Variants in CFAP44 observed in about 807,000 individuals in gnomAD.
CFAP44 encodes the protein cilia and flagella associated protein 44.
A neutral mutation model predicts 216.2 loss-of-function variants in CFAP44; 134 were observed. The observed-to-expected ratio is 0.62, with a 90% CI of 0.54 to 0.72. The LOEUF (loss-of-function observed/expected upper bound fraction) is 0.72. Ranked by LOEUF, CFAP44 falls within the 30% of genes least tolerant of loss-of-function variation. The pLI, the probability that CFAP44 is intolerant of heterozygous loss-of-function variation, is 0.00. For missense variants in CFAP44, 2,035 were observed against 2,182.1 expected, an observed-to-expected ratio of 0.93 and a Z score of 1.34; for synonymous variants, 700 against 727.6, an observed-to-expected ratio of 0.96 and a Z score of 0.61.
In CFAP44 at chr3:113,294,757, T is replaced by A; in HGVS notation, c.5303A>T (p.Tyr1768Phe). The change falls in exon 34 of 35, where the codon TAT (tyrosine) becomes TTT (phenylalanine). Residue 1768 changes from tyrosine to phenylalanine, a missense_variant. Transcript: ENST00000393845. Reference sequence around the variant, plus strand: ...TTCAATACACAAATCATTCATCTGATAAAGCTTTCTGGTGTGTTCTTTTGT... The same window carrying A: ...TTCAATACACAAATCATTCATCTGAAAAAGCTTTCTGGTGTGTTCTTTTGT... Reference protein sequence around the residue: ...MKTKEHTRKLYQMNDLCIEKK... With the variant: ...MKTKEHTRKLFQMNDLCIEKK... 6.5e-7 allele frequency: 1 copy of A among 1,536,640 alleles called. No homozygotes were observed. The highest frequency in any genetic ancestry group is 1.2e-5 in the South Asian group (1 of 83,846).
chr3:113,392,204 G>A (rs1260397883), intron 15 of CFAP44, among the ~76,000 whole-genome samples: 2 of 152,114 alleles, frequency 1.3e-5, no homozygotes, highest in Admixed American at 1.3e-4. Context: ...TACACAATGT[G>A]TACTCTTCAG....
At chr3:113,396,840 A>C in intron 13 of CFAP44, 113 bp from the exon 14 acceptor site, 1 of 1,013,592 alleles carries the variant, frequency 9.9e-7, no homozygotes, top group Non-Finnish European at 1.4e-6. Context: ...GCCCATTGGC[A>C]ATTCTTTATA....
intron 28 of CFAP44, among the ~76,000 whole-genome samples, chr3:113,318,504 G>A (rs1950110187): frequency 2.0e-5 from 3 of 152,152 alleles, no homozygotes; most frequent in African/African-American, 7.2e-5. Context: ...AAATATATTT[G>A]AGAATGTAGT....
rs1251529114 is a variant in CFAP44, at chr3:113,396,570, G to C, written c.1727C>G (p.Ala576Gly). The change falls in exon 14 of 35, where the codon GCT becomes GGT. Residue 576 changes from alanine (A) to glycine (G), a missense_variant. This residue lies in a region of CFAP44 where 1,883 missense variants were observed against 2,023.7 expected (regional missense o/e 0.93). Transcript: ENST00000393845. ...TTCATAAGCTAAAGCAGTGACACAA[G>C]CAGTATGGGGTTTGAAAACCTGTTT... is the stretch of plus-strand genomic sequence containing the variant. ...QLKQVFKPHT[A>G]CVTALAYERD... The C allele has an allele frequency of 1.2e-6, 2 of 1,614,022 alleles. No homozygotes were observed. Among genetic ancestry groups the C allele is most frequent in the African/African-American group, 1.3e-5 (1 of 74,926 alleles).
chr3:113,413,116 G>C (rs1469722145), intron 6 of CFAP44, among the ~76,000 whole-genome samples: 2 of 152,074 alleles, frequency 1.3e-5, no homozygotes, highest in African/African-American at 2.4e-5. Context: ...GCATTTCTCT[G>C]ATGATCAGTG....
chr3:113,373,468 A>G lies in CFAP44; in HGVS notation c.2387T>C (p.Ile796Thr). 6.2e-7 allele frequency: 1 copy of G among 1,610,350 alleles called. No individual in the cohort carries two copies. Among genetic ancestry groups the G allele is most frequent in the Non-Finnish European group, 8.5e-7 (1 of 1,177,958 alleles). ...SDFKEQKDEPIDVRYLADTED... is the reference protein window; with the variant it reads ...SDFKEQKDEPTDVRYLADTED... ...TGTATCCGCAAGATAACGGACATCA[A>G]TAGGTTCATCTTTTTGTTCTTTGAA... is the stretch of plus-strand genomic sequence containing the variant. The change falls in exon 18 of 35, where the codon ATT becomes ACT. Residue 796 changes from isoleucine (I) to threonine (T), a missense_variant. This residue lies in a region of CFAP44 where 1,883 missense variants were observed against 2,023.7 expected (regional missense o/e 0.93). Coordinates refer to ENST00000393845, the MANE Select transcript of CFAP44 (RefSeq NM_001164496.2).
intron 6 of CFAP44, among the ~76,000 whole-genome samples, chr3:113,410,567 T>C (rs1934436983): frequency 6.6e-6 from 1 of 152,242 alleles, no homozygotes; most frequent in African/African-American, 2.4e-5. Flanking sequence ...TTTGGGTTGG[T>C]TCCAGGTCTT....
chr3:113,395,880 C>A lies in CFAP44; in HGVS notation c.1780-20G>T, dbSNP rs759385472. On this transcript the variant is annotated intron_variant, in intron 14 of 34. Transcript: ENST00000393845. Reference sequence around the variant, plus strand: ...TTTACTCTAAGGAAAAAGAGACACACCGACGAAATATATATTACTATGAAA... The same window carrying A: ...TTTACTCTAAGGAAAAAGAGACACAACGACGAAATATATATTACTATGAAA... 2 of 1,560,210 alleles carry A rather than the reference C, an allele frequency of 1.3e-6. No individual in the cohort carries two copies. Among genetic ancestry groups the A allele is most frequent in the South Asian group, 1.1e-5 (1 of 88,722 alleles).
At chr3:113,315,160 T>C (rs1950075177) in intron 28 of CFAP44, among the ~76,000 whole-genome samples, 1 of 140,940 alleles carries the variant, frequency 7.1e-6, no homozygotes, top group African/African-American at 2.8e-5. Flanking sequence ...TGAAAAACAT[T>C]ATCCAATCAT....
Position 113,401,233 on chromosome 3 carries a change from A to T in CFAP44, c.1374+7T>A, listed in dbSNP as rs1345460097. 3 of 1,581,722 alleles carry T rather than the reference A, an allele frequency of 1.9e-6. No homozygotes were observed. The South Asian group carries it at 3.6e-5, about 19-fold the overall frequency. ...TTAGGAGAAAATAAGAATAATAGGCAACTTACAATATTTGAAAAACTAAGG... is the reference window on the plus strand; with the variant it reads ...TTAGGAGAAAATAAGAATAATAGGCTACTTACAATATTTGAAAAACTAAGG... On this transcript the variant is annotated splice_region_variant and intron_variant, in intron 11 of 34. Transcript: ENST00000393845.
chr3:113,337,219 A>G (rs1950288791), intron 24 of CFAP44, among the ~76,000 whole-genome samples: 1 of 151,816 alleles, frequency 6.6e-6, no homozygotes, highest in South Asian at 2.1e-4. Flanking sequence ...AAATTGCTCA[A>G]AAAAGAAATG....
chr3:113,329,093 T>C (rs964485517), intron 26 of CFAP44, among the ~76,000 whole-genome samples: 7 of 152,210 alleles, frequency 4.6e-5, no homozygotes, highest in East Asian at 1.9e-4. Context: ...TCCTAGACTA[T>C]GTGGAGGAAT....
At chr3:113,384,559 C>A (rs1933598684) in intron 15 of CFAP44, among the ~76,000 whole-genome samples, 1 of 152,010 alleles carries the variant, frequency 6.6e-6, no homozygotes, top group African/African-American at 2.4e-5. Context: ...TGATTGATGT[C>A]TTTATAAGAA....
chr3:113,401,433 AAAC>A, intron 10 of CFAP44, 146 bp from the exon 11 acceptor site: 1 of 1,211,986 alleles, frequency 8.3e-7, no homozygotes, highest in South Asian at 1.5e-5. Flanking sequence ...AATTTAATAA[AAAC>A]AACTTCTATA....
intron 33 of CFAP44, among the ~76,000 whole-genome samples, 189 bp from the exon 34 acceptor site, chr3:113,295,010 T>G (rs1398893058): frequency 1.3e-5 from 2 of 152,038 alleles, no homozygotes; most frequent in Non-Finnish European, 2.9e-5. Context: ...GATAAGAATA[T>G]AAGTATGCTC....
At chr3:113,414,833 AT>A (rs1333136812) in intron 6 of CFAP44, among the ~76,000 whole-genome samples, 1 of 151,684 alleles carries the variant, frequency 6.6e-6, no homozygotes, top group African/African-American at 2.4e-5. Flanking sequence ...TTTTTTTGTT[AT>A]GTCTCTTTCC....
At chr3:113,393,862 A>C (rs1933917888) in intron 15 of CFAP44, among the ~76,000 whole-genome samples, 1 of 152,044 alleles carries the variant, frequency 6.6e-6, no homozygotes, top group South Asian at 2.1e-4. Flanking sequence ...ATCTCTATAC[A>C]GGCTAACTCC....
chr3:113,346,157 G>A (rs147001739), intron 22 of CFAP44, among the ~76,000 whole-genome samples: 142 of 152,308 alleles, frequency 9.3e-4, no homozygotes, highest in African/African-American at 3.4e-3. Context: ...TCAACACTCT[G>A]TAAAAACGCA....
rs1321438836 is a variant in CFAP44, at chr3:113,309,789, C to T, written c.4517-1521G>A. Reference sequence around the variant, plus strand: ...TAGAACCTGAGGAACAACACTGTGGCGAGTTCCTTGGATATTCTTTTAGCC... The same window carrying T: ...TAGAACCTGAGGAACAACACTGTGGTGAGTTCCTTGGATATTCTTTTAGCC... On this transcript the variant is annotated intron_variant, in intron 28 of 34. Coordinates refer to ENST00000393845, the MANE Select transcript of CFAP44 (RefSeq NM_001164496.2). Among the ~76,000 whole-genome samples, 7 of 152,116 alleles carry T rather than the reference C, an allele frequency of 4.6e-5. No individual in the cohort carries two copies. The South Asian group carries it at 1.5e-3, about 32-fold the overall frequency.
Sources: gnomAD v4.1 joint callset for allele counts (sites outside exome capture counted in the v4.1 genomes callset) on GRCh38, gnomAD v4.1.1 for gene constraint, gnomAD v4.1.1 regional missense constraint, MANE v1.5 for transcripts, NCBI Gene and HGNC (gene_info 2026-07-23, HGNC 2026-07-21) for gene names.